PGAP2: variants seen among roughly 807,000 people sequenced by gnomAD.
PGAP2 encodes the protein acyltransferase PGAP2.
In PGAP2, 21 loss-of-function variants were observed where a neutral mutation model predicts 33.2. The observed-to-expected ratio is 0.63, with a 90% CI of 0.45 to 0.91. The LOEUF (loss-of-function observed/expected upper bound fraction) is 0.91, where lower values mean the gene tolerates loss of function less well. Ranked by LOEUF, PGAP2 falls within the 40% of genes least tolerant of loss-of-function variation. The pLI is 0.00. For missense variants in PGAP2, 345 were observed against 424.0 expected, an observed-to-expected ratio of 0.81 and a Z score of 1.64; for synonymous variants, 161 against 172.9, an observed-to-expected ratio of 0.93 and a Z score of 0.54.
chr11:3,805,747 CGCGATCTCG>C (rs1247926176), upstream of PGAP2, among the ~76,000 whole-genome samples: 1 of 150,930 alleles, frequency 6.6e-6, no homozygotes, highest in Non-Finnish European at 1.5e-5. Flanking sequence ...AGTGCAGTGG[CGCGATCTCG>C]GCTCACTGCA....
upstream of PGAP2, among the ~76,000 whole-genome samples, chr11:3,807,226 T>C (rs572577101): frequency 6.1e-5 from 9 of 146,360 alleles, no homozygotes; most frequent in South Asian, 2.0e-3. Flanking sequence ...TAATTCCAGC[T>C]ACTCGGGAGG....
intron 2 of PGAP2, among the ~76,000 whole-genome samples, chr11:3,815,526 T>C (rs535666084): frequency 7.9e-5 from 12 of 152,298 alleles, no homozygotes; most frequent in African/African-American, 2.9e-4. Flanking sequence ...CCCAGGCTGG[T>C]CTCGAACTCC....
chr11:3,803,205 C>G (rs901861459), intron 1 of PGAP2, among the ~76,000 whole-genome samples: 5 of 151,898 alleles, frequency 3.3e-5, no homozygotes, highest in African/African-American at 1.2e-4. Flanking sequence ...GTTAGCCAGG[C>G]TGATCTTGAA....
At chr11:3,800,725 T>C (rs1419864478) in intron 1 of PGAP2, among the ~76,000 whole-genome samples, 2 of 150,314 alleles carry the variant, frequency 1.3e-5, no homozygotes, top group African/African-American at 4.9e-5. Flanking sequence ...GGCAGGAGAA[T>C]TGCTTGAACC....
intron 1 of PGAP2, among the ~76,000 whole-genome samples, chr11:3,800,094 TAA>T (rs1436775712): frequency 6.6e-6 from 1 of 152,196 alleles, no homozygotes; most frequent in Non-Finnish European, 1.5e-5. Flanking sequence ...GGCCAAATAG[TAA>T]AGTTACTTTA....
chr11:3,812,220 C>G (rs747085909), intron 2 of PGAP2, among the ~76,000 whole-genome samples: 1 of 152,072 alleles, frequency 6.6e-6, no homozygotes, highest in Non-Finnish European at 1.5e-5. Context: ...CATTTACTGA[C>G]TCTATATTAC....
chr11:3,813,130 A>G (rs2085963777), intron 2 of PGAP2, among the ~76,000 whole-genome samples: 1 of 152,176 alleles, frequency 6.6e-6, no homozygotes, highest in Admixed American at 6.5e-5. Flanking sequence ...TGTGTTATCT[A>G]TCACATCATA....
chr11:3,825,094 C>G lies in PGAP2; in HGVS notation c.783C>G (p.Val261=), dbSNP rs376152755. Residue 261 remains valine (V), a synonymous_variant, in exon 6 of 7, where the codon GTC becomes GTG. Coordinates refer to ENST00000278243, the MANE Select transcript of PGAP2 (RefSeq NM_014489.4). ...TCTCCTTCTTCTCGGCGCTGGCTGT[C>G]TACTTTCGGCACAACATGTATTGTG... ...NFISFFSALA[V]YFRHNMYCEA... 5.6e-6 allele frequency: 9 copies of G among 1,614,082 alleles called. No homozygotes were observed. The highest frequency in any genetic ancestry group is 7.6e-6 in the Non-Finnish European group (9 of 1,180,050).
Position 3,824,195 on chromosome 11 carries a change from T to C in PGAP2, c.601+60T>C, listed in dbSNP as rs1197857730. On this transcript the variant is annotated intron_variant, in intron 4 of 6. Transcript: ENST00000278243. ...TTCCCTGAGGGGACGGGCCTGCCCC[T>C]ACCACATTCGGACCTTCCTACTTCG... 6 of 1,612,414 alleles carry C rather than the reference T, an allele frequency of 3.7e-6. No homozygotes were observed. The African/African-American group carries it at 4.0e-5, about 11-fold the overall frequency.
At chr11:3,808,753 C>A in intron 1 of PGAP2, 102 bp downstream of exon 1, 1 of 427,678 alleles carries the variant, frequency 2.3e-6, no homozygotes, top group Non-Finnish European at 3.2e-6. Context: ...CTGTGGGAGT[C>A]CTGGTACCTG....
intron 3 of PGAP2, chr11:3,818,071 A>AAC (rs1253259858): frequency 1.3e-5 from 4 of 306,692 alleles, no homozygotes; most frequent in African/African-American, 6.6e-5. Context: ...ATAAAAAAAA[A>AAC]AAAACAGCAG....
chr11:3,818,145 C>T (rs370848274), intron 3 of PGAP2, among the ~76,000 whole-genome samples: 1 of 151,224 alleles, frequency 6.6e-6, no homozygotes, highest in African/African-American at 2.4e-5. Flanking sequence ...GGAGGATCAC[C>T]TGAGGTCAGG....
At chr11:3,798,337 C>A (rs1440120596) in intron 1 of PGAP2, among the ~76,000 whole-genome samples, 1 of 151,280 alleles carries the variant, frequency 6.6e-6, no homozygotes, top group Non-Finnish European at 1.5e-5. Flanking sequence ...CTTTTTTTTT[C>A]TTTTTCTTTT....
chr11:3,820,534 T>C (rs7113717), intron 3 of PGAP2, among the ~76,000 whole-genome samples: 18,788 of 152,016 alleles, frequency 0.12, 3,837 homozygotes, highest in African/African-American at 0.43. Flanking sequence ...AGGCCAGGCG[T>C]CTGTAATCCC....
intron 1 of PGAP2, among the ~76,000 whole-genome samples, chr11:3,803,290 G>A (rs2083768137): frequency 9.7e-6 from 1 of 103,030 alleles, no homozygotes; most frequent in Non-Finnish European, 2.4e-5. Context: ...ACCACACCCG[G>A]CCCTGTTTTT....
chr11:3,803,052 G>A (rs539078928), intron 1 of PGAP2, among the ~76,000 whole-genome samples: 154 of 150,550 alleles, frequency 1.0e-3, no homozygotes, highest in Middle Eastern at 3.5e-3. Flanking sequence ...GGAGTGCAGT[G>A]GTGTGATCCC....
At chr11:3,823,086 G>T in intron 3 of PGAP2, 1 of 596,406 alleles carries the variant, frequency 1.7e-6, no homozygotes, top group Non-Finnish European at 2.7e-6. Context: ...GCCCAAGCTG[G>T]AGTGCAGTGG....
chr11:3,825,579 G>C lies in PGAP2; in HGVS notation c.*121G>C. 1 of 1,113,436 alleles carries C rather than the reference G, an allele frequency of 9.0e-7. No homozygotes were observed. The highest frequency in any genetic ancestry group is 1.3e-6 in the Non-Finnish European group (1 of 780,696). 69.0% of individuals were successfully genotyped at this position (1,113,436 alleles called of 1,614,324 possible). A position where few individuals can be genotyped will look rare whatever the true frequency, so the allele number is the denominator to read the frequency against. On this transcript the variant is annotated 3_prime_UTR_variant, in exon 7 of 7. Transcript: ENST00000278243. The stretch of plus-strand genomic sequence containing the variant: ...CTTACTGAAGATGGGGGAAGGGTAA[G>C]AAGGAAGGGTGTAGGCCAAGGCTCA...
intron 2 of PGAP2, among the ~76,000 whole-genome samples, chr11:3,813,794 GTA>G (rs1479967408): frequency 6.6e-6 from 1 of 152,206 alleles, no homozygotes; most frequent in Non-Finnish European, 1.5e-5. Context: ...TATTTGTATA[GTA>G]TATGGAGTTA....
Sources: allele counts gnomAD v4.1 joint callset (sites outside exome capture counted in the v4.1 genomes callset), GRCh38; gene constraint gnomAD v4.1.1; transcripts MANE v1.5; gene names NCBI Gene and HGNC (gene_info 2026-07-23, HGNC 2026-07-21).